RABGAP1L: variants seen among roughly 807,000 people sequenced by gnomAD.
RABGAP1L encodes the protein RAB GTPase activating protein 1 like.
In RABGAP1L, 63 loss-of-function variants were observed where a neutral mutation model predicts 137.7. The observed-to-expected ratio is 0.46, with a 90% confidence interval of 0.37 to 0.56. The LOEUF (loss-of-function observed/expected upper bound fraction) is 0.56, where lower values mean the gene tolerates loss of function less well. RABGAP1L is among the 20% of genes least tolerant of loss of function. The probability of loss-of-function intolerance (pLI) is 0.00; values close to 1 mark genes in which losing one functional copy is unlikely to be tolerated. For missense variants in RABGAP1L, 1,095 were observed against 1,244.0 expected, an observed-to-expected ratio of 0.88 and a Z score of 1.80; for synonymous variants, 431 against 433.7, an observed-to-expected ratio of 0.99 and a Z score of 0.08.
chr1:174,737,233 T>A (rs1321999891), intron 17 of RABGAP1L, among the ~76,000 whole-genome samples: 1 of 152,156 alleles, frequency 6.6e-6, no homozygotes, highest in Non-Finnish European at 1.5e-5. Flanking sequence ...TATTTGATTG[T>A]AGGTTGTTAG....
rs557992492 is a variant in RABGAP1L, at chr1:174,374,622, A to G, written c.1559+3550A>G. 2.5e-4 allele frequency among the ~76,000 whole-genome samples: 38 copies of G among 152,330 alleles called. No individual in the cohort carries two copies. The South Asian group carries it at 7.7e-3, about 31-fold the overall frequency. On this transcript the variant is annotated intron_variant, in intron 12 of 25. Transcript: ENST00000681986. ...AAGGCAAAATAATTTCAACTTGATAAGATCTATCGGAGGGGAATATAATTT... is the reference window on the plus strand; with the variant it reads ...AAGGCAAAATAATTTCAACTTGATAGGATCTATCGGAGGGGAATATAATTT...
intron 13 of RABGAP1L, among the ~76,000 whole-genome samples, chr1:174,425,223 C>T (rs914693929): frequency 3.3e-5 from 5 of 151,922 alleles, no homozygotes; most frequent in African/African-American, 9.7e-5. Flanking sequence ...ATTATGTGTA[C>T]AGTCTTTGTG....
chr1:174,487,364 T>C (rs1659771074), intron 13 of RABGAP1L, among the ~76,000 whole-genome samples: 1 of 152,210 alleles, frequency 6.6e-6, no homozygotes, highest in African/African-American at 2.4e-5. Flanking sequence ...ACTGACCCTT[T>C]TATCATTATA....
chr1:174,230,151 A>G (rs1257977841), intron 3 of RABGAP1L, among the ~76,000 whole-genome samples: 1 of 152,024 alleles, frequency 6.6e-6, no homozygotes, highest in Non-Finnish European at 1.5e-5. Flanking sequence ...GCAAGGACAA[A>G]AAACCAAACA....
chr1:174,447,339 AG>A (rs1654879578), intron 13 of RABGAP1L, among the ~76,000 whole-genome samples: 2 of 152,322 alleles, frequency 1.3e-5, no homozygotes, highest in Admixed American at 1.3e-4. Flanking sequence ...TGAGAGTTAT[AG>A]GGCAATCTGG....
intron 20 of RABGAP1L, among the ~76,000 whole-genome samples, chr1:174,960,941 T>A (rs1158561322): frequency 6.6e-6 from 1 of 152,226 alleles, no homozygotes; most frequent in Non-Finnish European, 1.5e-5. Flanking sequence ...CACACATATA[T>A]GCACTGCCTG....
chr1:174,387,585 C>T (rs1171581872), intron 12 of RABGAP1L, among the ~76,000 whole-genome samples: 1 of 149,062 alleles, frequency 6.7e-6, no homozygotes, highest in African/African-American at 2.5e-5. Flanking sequence ...GTAGGAAGAA[C>T]ATTGATTAAC....
chr1:174,597,659 C>A (rs1039313011), intron 13 of RABGAP1L, among the ~76,000 whole-genome samples: 1 of 151,636 alleles, frequency 6.6e-6, no homozygotes, highest in Non-Finnish European at 1.5e-5. Context: ...TCGAACTTTT[C>A]GAAAAATTTT....
At chr1:174,899,497 C>T (rs546095783) in intron 19 of RABGAP1L, among the ~76,000 whole-genome samples, 3 of 152,112 alleles carry the variant, frequency 2.0e-5, no homozygotes, top group African/African-American at 7.2e-5. Flanking sequence ...TTTGATCTTC[C>T]TAGTTCTAAA....
At chr1:174,782,869 C>T (rs1687120893) in intron 18 of RABGAP1L, among the ~76,000 whole-genome samples, 1 of 152,196 alleles carries the variant, frequency 6.6e-6, no homozygotes, top group African/African-American at 2.4e-5. Context: ...AAGAAGTAGT[C>T]AAATCATCTA....
chr1:174,962,207 AC>A (rs1467637716), intron 20 of RABGAP1L, among the ~76,000 whole-genome samples: 6 of 79,790 alleles, frequency 7.5e-5, no homozygotes, highest in African/African-American at 3.6e-4. Flanking sequence ...CCCCCCCCCC[AC>A]ACACACACAC....
chr1:174,318,582 T>TTCTC (rs1258823409), intron 11 of RABGAP1L, among the ~76,000 whole-genome samples: 1 of 96,046 alleles, frequency 1.0e-5, no homozygotes, highest in Non-Finnish European at 2.1e-5. Flanking sequence ...GGTGATTGTT[T>TTCTC]TCTTTCTTTC....
intron 11 of RABGAP1L, among the ~76,000 whole-genome samples, chr1:174,334,192 T>C (rs1405020088): frequency 6.6e-6 from 1 of 152,218 alleles, no homozygotes; most frequent in Non-Finnish European, 1.5e-5. Flanking sequence ...AAATGACGGA[T>C]ACCCGATTCT....
At chr1:174,416,019 C>CATATATATATATACATAT (rs1650526547) in intron 13 of RABGAP1L, among the ~76,000 whole-genome samples, 1 of 129,050 alleles carries the variant, frequency 7.7e-6, no homozygotes, top group African/African-American at 3.7e-5. Flanking sequence ...AGAAAATTTA[C>CATATATATATATACATAT]ATATATATAT....
At position 174,789,147 on chromosome 1, in the gene RABGAP1L, C is replaced by T. The variant is rs1485453813; in HGVS notation, c.2212-22685C>T. Among the ~76,000 whole-genome samples the T allele has an allele frequency of 3.3e-5, 5 of 152,186 alleles. No homozygotes were observed. The East Asian group carries it at 5.8e-4, about 18-fold the overall frequency. ...TATTTTTAAATATAGAAACCTTTCT[C>T]CTCTTACCAAAAACCACAGTGACTC... On this transcript the variant is annotated intron_variant, in intron 18 of 25. Transcript: ENST00000681986.
intron 18 of RABGAP1L, among the ~76,000 whole-genome samples, chr1:174,758,775 G>A (rs1573056228): frequency 6.6e-6 from 1 of 152,022 alleles, no homozygotes; most frequent in African/African-American, 2.4e-5. Flanking sequence ...TGAACATGTC[G>A]GCTTGGATGT....
chr1:174,720,727 A>T (rs75076883), intron 17 of RABGAP1L, among the ~76,000 whole-genome samples: 1 of 152,194 alleles, frequency 6.6e-6, no homozygotes, highest in Non-Finnish European at 1.5e-5. Context: ...ATCCATAGAG[A>T]TAGAAAGTAG....
intron 1 of RABGAP1L, among the ~76,000 whole-genome samples, chr1:174,190,387 A>G (rs896472166): frequency 1.3e-5 from 2 of 151,966 alleles, no homozygotes; most frequent in Non-Finnish European, 2.9e-5. Flanking sequence ...CAGCATCCAT[A>G]ACTGTAAGAA....
chr1:174,309,630 A>G (rs1678628848), intron 11 of RABGAP1L, among the ~76,000 whole-genome samples: 1 of 152,078 alleles, frequency 6.6e-6, no homozygotes, highest in Non-Finnish European at 1.5e-5. Flanking sequence ...TTTATCCTTC[A>G]TTCTGTTCAT....
Sources: allele counts gnomAD v4.1 joint callset (sites outside exome capture counted in the v4.1 genomes callset), GRCh38; gene constraint gnomAD v4.1.1; transcripts MANE v1.5; gene names NCBI Gene and HGNC (gene_info 2026-07-23, HGNC 2026-07-21).